SNCAIP: variants seen among roughly 807,000 people sequenced by gnomAD.
SNCAIP encodes synuclein alpha interacting protein, also known as synphilin-1.
Under a neutral mutation model 86.7 loss-of-function variants are expected in SNCAIP, and 43 were observed. That is an observed-to-expected ratio of 0.50 (90% confidence interval 0.39 to 0.64). SNCAIP has a LOEUF of 0.64. Ranked by LOEUF, SNCAIP falls within the 30% of genes least tolerant of loss-of-function variation. The pLI, the probability that SNCAIP is intolerant of heterozygous loss-of-function variation, is 0.00. For missense variants in SNCAIP, 981 were observed against 1,103.1 expected, an observed-to-expected ratio of 0.89 and a Z score of 1.57; for synonymous variants, 417 against 427.2, an observed-to-expected ratio of 0.98 and a Z score of 0.29.
chr5:122,430,404 G>A lies in SNCAIP; in HGVS notation c.1183-1565G>A, dbSNP rs116495827. ...GTAACAAGTATTGTCTGCTTAGTAA[G>A]TTTACATGCTTTATCTCATTTAATC... On this transcript the variant is annotated intron_variant, in intron 5 of 10. Transcript: ENST00000261368. 5.5e-3 allele frequency among the ~76,000 whole-genome samples: 843 copies of A among 152,298 alleles called. 11 individuals are homozygous for A. Among genetic ancestry groups the A allele is most frequent in the African/African-American group, 0.019 (796 of 41,574 alleles).
At chr5:122,336,961 C>T (rs1756595649) in intron 1 of SNCAIP, 1 of 152,168 alleles carries the variant, frequency 6.6e-6, no homozygotes, top group Non-Finnish European at 1.5e-5. Flanking sequence ...AGTGGCCTAG[C>T]ATCTTATGAA....
chr5:122,354,586 A>G (rs1351816753), intron 1 of SNCAIP, among the ~76,000 whole-genome samples: 1 of 152,192 alleles, frequency 6.6e-6, no homozygotes, highest in African/African-American at 2.4e-5. Flanking sequence ...AATTTAAAGG[A>G]AAGTTGCCCT....
intron 10 of SNCAIP, among the ~76,000 whole-genome samples, chr5:122,462,265 T>C (rs1001724557): frequency 6.6e-6 from 1 of 152,210 alleles, no homozygotes; most frequent in Non-Finnish European, 1.5e-5. Flanking sequence ...CTTTTTCTCC[T>C]CTGCTAAATC....
intron 1 of SNCAIP, among the ~76,000 whole-genome samples, chr5:122,331,744 C>T (rs1470763848): frequency 1.3e-5 from 2 of 152,170 alleles, no homozygotes; most frequent in East Asian, 1.9e-4. Context: ...CACTTAATCC[C>T]GTATCGTTCT....
rs141095448 is a variant in SNCAIP at position 122,314,471 on chromosome 5, C to A, written c.-47+2187C>A. Among the ~76,000 whole-genome samples, 561 of 152,280 alleles carry A rather than the reference C, an allele frequency of 3.7e-3. 2 individuals are homozygous for A. The highest frequency in any genetic ancestry group is 6.1e-3 in the Non-Finnish European group (413 of 68,018). On this transcript the variant is annotated intron_variant, in intron 1 of 10. Transcript: ENST00000261368. ...AGAAGCTTTGTTTTTGGCAGTTTGTCAGGTTACAGTTGCAAACCACATAGG... is the reference window on the plus strand; with the variant it reads ...AGAAGCTTTGTTTTTGGCAGTTTGTAAGGTTACAGTTGCAAACCACATAGG...
intron 3 of SNCAIP, among the ~76,000 whole-genome samples, chr5:122,415,592 A>T (rs1246272584): frequency 6.6e-6 from 1 of 152,226 alleles, no homozygotes; most frequent in African/African-American, 2.4e-5. Flanking sequence ...AGAAGAGGGC[A>T]GGGATTTTTC....
At chr5:122,403,970 T>C (rs1772414807) in intron 3 of SNCAIP, 105 bp downstream of exon 3, 4 of 842,346 alleles carry the variant, frequency 4.7e-6, no homozygotes, top group Non-Finnish European at 8.1e-6. Context: ...AGTTTTCTTT[T>C]CTCTTTACGG....
At chr5:122,409,864 A>G (rs1372241732) in intron 3 of SNCAIP, among the ~76,000 whole-genome samples, 1 of 152,214 alleles carries the variant, frequency 6.6e-6, no homozygotes, top group Non-Finnish European at 1.5e-5. Context: ...GTTAAGGTTT[A>G]ATGCTAAAAG....
intron 1 of SNCAIP, among the ~76,000 whole-genome samples, chr5:122,337,230 T>C (rs372589801): frequency 6.6e-6 from 1 of 152,176 alleles, no homozygotes; most frequent in Non-Finnish European, 1.5e-5. Context: ...TACGTAATAA[T>C]CATTTTATTT....
chr5:122,456,994 T>TTTTTG (rs546191635), intron 10 of SNCAIP, among the ~76,000 whole-genome samples: 20 of 152,156 alleles, frequency 1.3e-4, no homozygotes, highest in Non-Finnish European at 2.4e-4. Flanking sequence ...ATGTTTTTTA[T>TTTTTG]TTTTGTTTTG....
At chr5:122,444,482 C>T in intron 7 of SNCAIP, 81 bp from the exon 8 acceptor site, 1 of 1,304,294 alleles carries the variant, frequency 7.7e-7, no homozygotes, top group South Asian at 1.2e-5. Flanking sequence ...TCTCTTCATA[C>T]TATTCAACAT....
chr5:122,418,478 G>A (rs1455810690), intron 3 of SNCAIP, among the ~76,000 whole-genome samples: 3 of 152,150 alleles, frequency 2.0e-5, no homozygotes, highest in Admixed American at 2.0e-4. Flanking sequence ...TAAATAGAAA[G>A]CCATGGTCAC....
chr5:122,347,987 C>A (rs1758960042), intron 1 of SNCAIP, among the ~76,000 whole-genome samples: 3 of 151,944 alleles, frequency 2.0e-5, no homozygotes, highest in Non-Finnish European at 4.4e-5. Context: ...TATGAGCAAG[C>A]CAACGTATAG....
At chr5:122,444,923 C>G (rs1781948610) in intron 8 of SNCAIP, 191 bp downstream of exon 8, 1 of 642,688 alleles carries the variant, frequency 1.6e-6, no homozygotes, top group African/African-American at 1.8e-5. Flanking sequence ...TCTGCAGAGG[C>G]AAAAGGATGT....
chr5:122,413,782 T>C (rs1293676782), intron 3 of SNCAIP, among the ~76,000 whole-genome samples: 1 of 151,970 alleles, frequency 6.6e-6, no homozygotes, highest in Non-Finnish European at 1.5e-5. Context: ...CCTTAGCCAG[T>C]TGAAGGAATT....
intron 7 of SNCAIP, among the ~76,000 whole-genome samples, chr5:122,441,637 A>G (rs930590503): frequency 4.6e-5 from 7 of 152,182 alleles, no homozygotes; most frequent in Non-Finnish European, 1.0e-4. Flanking sequence ...CTGCCATCCA[A>G]GTAGTGCATG....
chr5:122,449,323 G>A (rs1407866542), intron 8 of SNCAIP, among the ~76,000 whole-genome samples: 2 of 152,156 alleles, frequency 1.3e-5, no homozygotes, highest in African/African-American at 4.8e-5. Flanking sequence ...AGTTTCTACT[G>A]AATCCATATC....
chr5:122,369,873 C>T (rs1763939972), intron 1 of SNCAIP: 1 of 152,144 alleles, frequency 6.6e-6, no homozygotes, highest in Non-Finnish European at 1.5e-5. Context: ...TCCTTTGCTT[C>T]ACAGTTCAGT....
intron 1 of SNCAIP, among the ~76,000 whole-genome samples, chr5:122,317,339 A>G (rs1034343862): frequency 3.3e-5 from 5 of 152,270 alleles, no homozygotes; most frequent in African/African-American, 1.2e-4. Context: ...GGAAAAGTTC[A>G]GAAAGAATCC....
Sources: allele counts gnomAD v4.1 joint callset (sites outside exome capture counted in the v4.1 genomes callset), GRCh38; gene constraint gnomAD v4.1.1; transcripts MANE v1.5; gene names NCBI Gene and HGNC (gene_info 2026-07-23, HGNC 2026-07-21).